WDFY2: variants seen among roughly 807,000 people sequenced by gnomAD.
The protein encoded by WDFY2 is WD repeat and FYVE domain containing 2.
A neutral mutation model predicts 56.4 loss-of-function variants in WDFY2; 36 were observed. The observed-to-expected ratio is 0.64, with a 90% CI of 0.49 to 0.84. The LOEUF is 0.84. Ranked by LOEUF, WDFY2 falls within the 40% of genes least tolerant of loss-of-function variation. WDFY2 has a pLI of 0.00. For synonymous variants in WDFY2, 176 were observed against 183.7 expected (o/e 0.96, Z 0.34); for missense variants, 444 against 512.2 (o/e 0.87, Z 1.29).
At chr13:51,631,492 AACTT>A (rs1954952165) in intron 1 of WDFY2, among the ~76,000 whole-genome samples, 1 of 152,130 alleles carries the variant, frequency 6.6e-6, no homozygotes, top group Non-Finnish European at 1.5e-5. Flanking sequence ...TTAAAATTTG[AACTT>A]ACTTGTTTAT....
At chr13:51,670,956 TA>T (rs2138489775) in intron 2 of WDFY2, among the ~76,000 whole-genome samples, 1 of 152,278 alleles carries the variant, frequency 6.6e-6, no homozygotes, top group South Asian at 2.1e-4. Context: ...CACTTATGAG[TA>T]AGAACATACG....
In WDFY2 at chr13:51,696,934, G is replaced by T. The variant is rs1257462061; in HGVS notation, c.280-6662G>T. Among the ~76,000 whole-genome samples, 5 of 152,082 alleles carry T rather than the reference G, an allele frequency of 3.3e-5. No individual in the cohort carries two copies. In the East Asian group the frequency reaches 9.6e-4, roughly 29 times the overall value. On this transcript the variant is annotated intron_variant, in intron 3 of 11. Coordinates refer to ENST00000298125, the MANE Select transcript of WDFY2 (RefSeq NM_052950.4). ...AGTTCCGTGGAATATGACAGAGAAA[G>T]GAAAATATCCTCAGTCCATGACAAT...
Position 51,709,531 on chromosome 13 carries a change from C to T in WDFY2, c.334+5881C>T, listed in dbSNP as rs190023821. 1.7e-3 allele frequency among the ~76,000 whole-genome samples: 261 copies of T among 151,962 alleles called. 2 individuals carry two copies. Among genetic ancestry groups the T allele is most frequent in the African/African-American group, 4.6e-3 (190 of 41,428 alleles). On this transcript the variant is annotated intron_variant, in intron 4 of 11. Coordinates refer to ENST00000298125, the MANE Select transcript of WDFY2 (RefSeq NM_052950.4). ...TGAAAAGATCAACAAAATTGATAGACCACTAGCAAAACTAATAAAGAGGAA... is the reference window on the plus strand; with the variant it reads ...TGAAAAGATCAACAAAATTGATAGATCACTAGCAAAACTAATAAAGAGGAA...
chr13:51,745,388 A>G (rs1274541454), intron 7 of WDFY2, among the ~76,000 whole-genome samples: 2 of 152,240 alleles, frequency 1.3e-5, no homozygotes, highest in East Asian at 3.8e-4. Context: ...GAGTAGACAC[A>G]TACATAGGCA....
chr13:51,767,110 T>G lies in WDFY2; in HGVS notation c.*7341T>G, dbSNP rs1042101528. On this transcript the variant is annotated 3_prime_UTR_variant, in exon 12 of 12. Coordinates refer to ENST00000298125, the MANE Select transcript of WDFY2 (RefSeq NM_052950.4). ...GGGGCAAACACTGCCAGGGAAAGCC[T>G]CATTTAAAACTTGTGAGGTTCATTT... is the stretch of plus-strand genomic sequence containing the variant. 1.3e-5 allele frequency: 2 copies of G among 152,254 alleles called. No individual in the cohort carries two copies. The highest frequency in any genetic ancestry group is 2.9e-5 in the Non-Finnish European group (2 of 68,040). 9.4% of individuals were successfully genotyped at this position (152,254 alleles called of 1,614,324 possible). A position where few individuals can be genotyped will look rare whatever the true frequency, so the allele number is the denominator to read the frequency against.
chr13:51,740,607 G>A lies in WDFY2; in HGVS notation c.725+1432G>A, dbSNP rs189685103. ...CGCGTGCCTGTAATCCCAGCTACTC[G>A]GGAGGCTGAGGCAGGACAATCACTT... On this transcript the variant is annotated intron_variant, in intron 7 of 11. Coordinates refer to ENST00000298125, the MANE Select transcript of WDFY2 (RefSeq NM_052950.4). Among the ~76,000 whole-genome samples the A allele has an allele frequency of 2.2e-4, 34 of 152,060 alleles. No individual in the cohort carries two copies. In the East Asian group the frequency reaches 4.6e-3, roughly 21 times the overall value.
At chr13:51,756,483 G>T in intron 10 of WDFY2, 21 bp downstream of exon 10, 2 of 1,609,056 alleles carry the variant, frequency 1.2e-6, no homozygotes, top group South Asian at 2.2e-5. Context: ...GCAGCCTGCA[G>T]ACCGCTTCAG....
intron 1 of WDFY2, among the ~76,000 whole-genome samples, chr13:51,640,161 G>A (rs1955128118): frequency 1.3e-5 from 2 of 152,186 alleles, no homozygotes; most frequent in Non-Finnish European, 2.9e-5. Flanking sequence ...AGATTGCTAA[G>A]TAAATGACAA....
chr13:51,667,879 C>CTTTTTTTTTTTTTTTTTTT lies in WDFY2; in HGVS notation c.205+7228_205+7246dup, dbSNP rs66771214. Among the ~76,000 whole-genome samples, 16 of 50,048 alleles carry CTTTTTTTTTTTTTTTTTTT rather than the reference C, an allele frequency of 3.2e-4. 4 individuals carry two copies. The highest frequency in any genetic ancestry group is 1.0e-3 in the African/African-American group (10 of 10,026). 32.8% of individuals were successfully genotyped at this position (50,048 alleles called of 152,430 possible). On this transcript the variant is annotated intron_variant, in intron 2 of 11. Transcript: ENST00000298125. Reference sequence around the variant, plus strand: ...GAAGAAAAAGGTACCTGAGGAACTTCTTTTTTTTTTTTTTTTTTTTTTTTT... The same window carrying CTTTTTTTTTTTTTTTTTTT: ...GAAGAAAAAGGTACCTGAGGAACTTCTTTTTTTTTTTTTTTTTTTTTTTTTTTTTTTTTTTTTTTTTTTT...
At chr13:51,751,975 A>G (rs1953248192) in intron 8 of WDFY2, among the ~76,000 whole-genome samples, 1 of 152,204 alleles carries the variant, frequency 6.6e-6, no homozygotes. Flanking sequence ...TTAACAACAA[A>G]TATGTTTCCT....
In WDFY2 at chr13:51,584,655, GGCGGCGGCGCCCCAGGCGCGCC is replaced by G. The variant is rs1194003718; in HGVS notation, c.-32_-11del. ...CTCAGCCCGGCCCCGCGGCGCGGTT[GGCGGCGGCGCCCCAGGCGCGCC>G]CCCTCCTCCGATGGCGGCGGAGATC... On this transcript the variant is annotated 5_prime_UTR_variant, in exon 1 of 12. Transcript: ENST00000298125. The G allele has an allele frequency of 5.6e-6, 9 of 1,597,102 alleles. No individual in the cohort carries two copies. The highest frequency in any genetic ancestry group is 7.7e-6 in the Non-Finnish European group (9 of 1,174,048).
At chr13:51,756,899 C>T (rs970241759) in intron 10 of WDFY2, among the ~76,000 whole-genome samples, 1 of 152,176 alleles carries the variant, frequency 6.6e-6, no homozygotes, top group Non-Finnish European at 1.5e-5. Context: ...GGCAAATATT[C>T]CCAGTTGCCC....
At chr13:51,630,373 T>C (rs1954928825) in intron 1 of WDFY2, among the ~76,000 whole-genome samples, 1 of 152,176 alleles carries the variant, frequency 6.6e-6, no homozygotes, top group South Asian at 2.1e-4. Flanking sequence ...GATGATTTGT[T>C]TTATTTTCCT....
chr13:51,602,393 G>C (rs1954304291), intron 1 of WDFY2, among the ~76,000 whole-genome samples: 1 of 152,192 alleles, frequency 6.6e-6, no homozygotes, highest in African/African-American at 2.4e-5. Context: ...AAAGCAATAG[G>C]CCATACTCTA....
intron 1 of WDFY2, among the ~76,000 whole-genome samples, chr13:51,598,237 G>A (rs1954191303): frequency 6.6e-6 from 1 of 152,016 alleles, no homozygotes; most frequent in Non-Finnish European, 1.5e-5. Context: ...GCGGGCACCT[G>A]TAATCCCAGC....
chr13:51,666,902 T>C (rs1955713457), intron 2 of WDFY2, among the ~76,000 whole-genome samples: 1 of 152,236 alleles, frequency 6.6e-6, no homozygotes, highest in Non-Finnish European at 1.5e-5. Context: ...TTACATTAAA[T>C]TCAACTTCCA....
intron 4 of WDFY2, among the ~76,000 whole-genome samples, 184 bp from the exon 5 acceptor site, chr13:51,719,014 G>A (rs943447712): frequency 3.3e-5 from 5 of 152,076 alleles, no homozygotes; most frequent in Non-Finnish European, 7.4e-5. Context: ...ACTCAGACAC[G>A]CCTGTTTAAA....
At chr13:51,682,815 G>A (rs576003667) in intron 3 of WDFY2, among the ~76,000 whole-genome samples, 16 of 152,162 alleles carry the variant, frequency 1.1e-4, no homozygotes, top group Non-Finnish European at 2.1e-4. Context: ...CAGTAACCAG[G>A]AAGCCTTGGT....
At chr13:51,598,215 C>A (rs1322103342) in intron 1 of WDFY2, among the ~76,000 whole-genome samples, 1 of 152,018 alleles carries the variant, frequency 6.6e-6, no homozygotes, top group Non-Finnish European at 1.5e-5. Flanking sequence ...CAAAAATTAG[C>A]TGGGTGTAGT....
Sources: allele counts gnomAD v4.1 joint callset (sites outside exome capture counted in the v4.1 genomes callset), GRCh38; gene constraint gnomAD v4.1.1; transcripts MANE v1.5; gene names NCBI Gene and HGNC (gene_info 2026-07-23, HGNC 2026-07-21).